Variants in KSR2 observed in about 807,000 individuals in gnomAD.
KSR2 encodes kinase suppressor of ras 2.
In KSR2, 25 loss-of-function variants were observed where a neutral mutation model predicts 107.8. The ratio of observed to expected loss-of-function variants is 0.23; its 90% confidence interval spans 0.17 to 0.32. KSR2 has a LOEUF of 0.32. Among genes scored for constraint, KSR2 ranks in the 10% least tolerant of loss-of-function variants. The probability of loss-of-function intolerance (pLI) is 1.00; values close to 1 mark genes in which losing one functional copy is unlikely to be tolerated. For synonymous variants in KSR2, 480 were observed against 507.0 expected (o/e 0.95, Z 0.71); for missense variants, 887 against 1,268.9 (o/e 0.70, Z 4.57).
At chr12:117,570,576 GAT>G (rs1196805576) in intron 7 of KSR2, among the ~76,000 whole-genome samples, 4 of 152,148 alleles carry the variant, frequency 2.6e-5, no homozygotes, top group African/African-American at 7.2e-5. Context: ...CCAGAACTTC[GAT>G]GTTGCTTCAA....
intron 5 of KSR2, among the ~76,000 whole-genome samples, chr12:117,632,249 A>G (rs1180029705): frequency 6.2e-5 from 6 of 96,042 alleles, no homozygotes; most frequent in African/African-American, 2.5e-4. Flanking sequence ...TTTTGAGATG[A>G]TATCTCACAC....
At chr12:117,808,057 C>G (rs1786931129) in intron 3 of KSR2, among the ~76,000 whole-genome samples, 2 of 152,174 alleles carry the variant, frequency 1.3e-5, no homozygotes, top group Admixed American at 1.3e-4. Context: ...AAGTTCCAGG[C>G]TTTATGTCTT....
At chr12:117,876,312 C>A (rs1193120462) in intron 1 of KSR2, among the ~76,000 whole-genome samples, 1 of 152,212 alleles carries the variant, frequency 6.6e-6, no homozygotes, top group African/African-American at 2.4e-5. Context: ...TGAGGGAGGG[C>A]TGGAGGCCTG....
intron 10 of KSR2, among the ~76,000 whole-genome samples, chr12:117,532,377 A>G (rs1592963727): frequency 6.6e-6 from 1 of 152,192 alleles, no homozygotes; most frequent in East Asian, 1.9e-4. Context: ...CTGTTGTGCC[A>G]TCTCCTTCTT....
intron 2 of KSR2, among the ~76,000 whole-genome samples, chr12:117,858,445 A>G (rs1481811629): frequency 6.6e-6 from 1 of 152,118 alleles, no homozygotes; most frequent in Non-Finnish European, 1.5e-5. Context: ...GTGCATATGC[A>G]AGATGGGGTG....
intron 3 of KSR2, among the ~76,000 whole-genome samples, chr12:117,784,725 C>T (rs752972721): frequency 6.6e-5 from 10 of 152,140 alleles, no homozygotes; most frequent in Admixed American, 5.9e-4. Context: ...AAAACTCTAA[C>T]AGAACCCTAT....
intron 1 of KSR2, among the ~76,000 whole-genome samples, chr12:117,922,073 A>T (rs1285969123): frequency 6.6e-6 from 1 of 152,164 alleles, no homozygotes; most frequent in Non-Finnish European, 1.5e-5. Context: ...GACAGAAGCC[A>T]GGGCTCTTTC....
intron 7 of KSR2, among the ~76,000 whole-genome samples, chr12:117,563,564 A>G (rs1428949720): frequency 1.3e-5 from 2 of 152,068 alleles, no homozygotes; most frequent in Non-Finnish European, 2.9e-5. Flanking sequence ...CCCAGAACAA[A>G]TATTTGGCAC....
At chr12:117,531,066 C>T (rs182801029) in intron 11 of KSR2, 53 bp from the exon 12 acceptor site, 337 of 1,447,106 alleles carry the variant, frequency 2.3e-4, no homozygotes, top group Non-Finnish European at 3.0e-4. Flanking sequence ...CCACAACCCC[C>T]GCAAAGGCCT....
intron 14 of KSR2, among the ~76,000 whole-genome samples, chr12:117,492,799 C>T (rs1014627549): frequency 6.6e-6 from 1 of 151,930 alleles, no homozygotes; most frequent in Non-Finnish European, 1.5e-5. Flanking sequence ...GAAGAGGGGG[C>T]TGAATGGTTG....
At chr12:117,657,483 A>G (rs1275978336) in intron 5 of KSR2, among the ~76,000 whole-genome samples, 3 of 152,184 alleles carry the variant, frequency 2.0e-5, no homozygotes, top group Non-Finnish European at 2.9e-5. Flanking sequence ...CATGAATCCC[A>G]ATCACCAACA....
Position 117,471,206 on chromosome 12 carries a change from C to T in KSR2, c.2697G>A (p.Met899Ile), listed in dbSNP as rs1871435796. The T allele has an allele frequency of 6.2e-7, 1 of 1,613,872 alleles. No individual in the cohort carries two copies. The highest frequency in any genetic ancestry group is 1.3e-5 in the African/African-American group (1 of 75,048). Residue 899 changes from methionine to isoleucine, a missense_variant, in exon 18 of 20, where the codon ATG becomes ATA. Physicochemically the swap from Met to Ile is conservative, Grantham distance 10. Coordinates refer to ENST00000339824, the MANE Select transcript of KSR2 (RefSeq NM_173598.6). ...TGGGACTTACCGAGATTTCTTTTCC[C>T]ATGCCAATCTGGCTGAGGTTGGGTT... is the stretch of plus-strand genomic sequence containing the variant. ...GMKPNLSQIG[M>I]GKEISDILLF... is the part of the protein sequence containing the mutation.
At position 117,600,823 on chromosome 12, in the gene KSR2, G is replaced by C. The variant is rs78996597; in HGVS notation, c.1172-18464C>G. Among the ~76,000 whole-genome samples the C allele has an allele frequency of 4.9e-4, 75 of 152,256 alleles. No individual in the cohort carries two copies. The East Asian group carries it at 0.014, about 29-fold the overall frequency. On this transcript the variant is annotated intron_variant, in intron 5 of 19. Transcript: ENST00000339824. ...TCTTTCATCCCTAGATATCACCCTG[G>C]GGAGAGGGCAGGCAAAAGATGTTCT...
chr12:117,934,044 A>T (rs1895770800), intron 1 of KSR2, among the ~76,000 whole-genome samples: 1 of 152,202 alleles, frequency 6.6e-6, no homozygotes, highest in Admixed American at 6.5e-5. Flanking sequence ...ATATCCAGAC[A>T]TTCCTAGTAA....
intron 1 of KSR2, among the ~76,000 whole-genome samples, chr12:117,892,486 A>G (rs1350122980): frequency 2.0e-5 from 3 of 150,640 alleles, no homozygotes; most frequent in Non-Finnish European, 4.4e-5. Flanking sequence ...TCACAGGCCA[A>G]TTTCAGACTT....
chr12:117,759,755 G>T (rs1041290162), intron 4 of KSR2, among the ~76,000 whole-genome samples: 4 of 152,144 alleles, frequency 2.6e-5, no homozygotes, highest in African/African-American at 9.7e-5. Context: ...TATGTGTCTG[G>T]CATATTTTAC....
At chr12:117,748,820 G>A (rs940947278) in intron 4 of KSR2, among the ~76,000 whole-genome samples, 1 of 152,010 alleles carries the variant, frequency 6.6e-6, no homozygotes, top group Non-Finnish European at 1.5e-5. Flanking sequence ...CAAGGTTTGG[G>A]GTCCTTGTAG....
rs764135215 is a variant in KSR2 at position 117,527,093 on chromosome 12, A to G, written c.1829T>C (p.Ile610Thr). The G allele has an allele frequency of 3.1e-5, 50 of 1,613,582 alleles. No homozygotes were observed. Among genetic ancestry groups the G allele is most frequent in the East Asian group, 4.5e-5 (2 of 44,882 alleles). The change falls in exon 13 of 20, where the codon ATT (isoleucine) becomes ACT (threonine). Residue 610 changes from isoleucine to threonine, a missense_variant. This residue lies in a region of KSR2 where 308 missense variants were observed against 506.2 expected (regional missense o/e 0.61). Transcript: ENST00000339824. ...CACCTCCGACGTTGGCTCCACTTCA[A>G]TTTGAAGTAATGGATTTCCTTCCAA... is the stretch of plus-strand genomic sequence containing the variant. ...PILEGNPLLQIEVEPTSENEE... is the reference protein window; with the variant it reads ...PILEGNPLLQTEVEPTSENEE...
intron 4 of KSR2, among the ~76,000 whole-genome samples, chr12:117,704,122 C>T (rs10850887): frequency 1.3e-5 from 2 of 151,740 alleles, no homozygotes; most frequent in African/African-American, 4.8e-5. Context: ...TATTCATATT[C>T]GTGGATGGAA....
Sources: gnomAD v4.1 joint callset for allele counts (sites outside exome capture counted in the v4.1 genomes callset) on GRCh38, gnomAD v4.1.1 for gene constraint, gnomAD v4.1.1 regional missense constraint, MANE v1.5 for transcripts, NCBI Gene and HGNC (gene_info 2026-07-23, HGNC 2026-07-21) for gene names.